PDCD2: variants seen among roughly 807,000 people sequenced by gnomAD.
PDCD2 encodes the protein uS5 assembly chaperone PDCD2.
Under a neutral mutation model 38.1 loss-of-function variants are expected in PDCD2, and 38 were observed. That is an observed-to-expected ratio of 1.00 (90% CI 0.77 to 1.31). The LOEUF is 1.31. Among genes scored for constraint, PDCD2 ranks in the 50% most tolerant of loss-of-function variants. The pLI is 0.00. For synonymous variants in PDCD2, 205 were observed against 168.9 expected, an observed-to-expected ratio of 1.21 and a Z score of -1.66; for missense variants, 473 against 435.7, an observed-to-expected ratio of 1.09 and a Z score of -0.76.
chr6:170,584,402 G>A lies in PDCD2; in HGVS notation c.180C>T (p.Phe60=), dbSNP rs772313263. ...GCAGCGGCGCATACACCTGCAGCAG[G>A]AAGGAGAGCGGGCGGCCGCACAGCT... The part of the protein sequence containing the change: ...ACELCGRPLS[F]LLQVYAPLPG... The change falls in exon 1 of 6, where the codon TTC becomes TTT. Residue 60 remains phenylalanine, a synonymous_variant. Coordinates refer to ENST00000541970, the MANE Select transcript of PDCD2 (RefSeq NM_002598.4). 15 of 1,433,810 alleles carry A rather than the reference G, an allele frequency of 1.0e-5. No individual in the cohort carries two copies. Among genetic ancestry groups the A allele is most frequent in the Non-Finnish European group, 1.4e-5 (15 of 1,098,336 alleles). The allele number at this position is 1,433,810 out of a possible 1,614,324, so 88.8% of individuals were successfully genotyped here. A position where few individuals can be genotyped will look rare whatever the true frequency, so the allele number is the denominator to read the frequency against.
chr6:170,583,916 A>G (rs1583145495), intron 1 of PDCD2, 169 bp from the exon 2 acceptor site: 1 of 631,692 alleles, frequency 1.6e-6, no homozygotes, highest in South Asian at 2.0e-5. Flanking sequence ...CGGTACACGC[A>G]ACTGAGTTGC....
chr6:170,577,330 G>C lies in PDCD2; in HGVS notation c.*229C>G, dbSNP rs147181373. The C allele has an allele frequency of 7.0e-5, 32 of 458,898 alleles. No individual in the cohort carries two copies. Among genetic ancestry groups the C allele is most frequent in the African/African-American group, 5.6e-4 (29 of 51,466 alleles). The allele number at this position is 458,898 out of a possible 1,614,324, so 28.4% of individuals were successfully genotyped here. On this transcript the variant is annotated 3_prime_UTR_variant, in exon 6 of 6. Transcript: ENST00000541970. ...TAATGGTATGTCTGTTGTCAATATA[G>C]GTGTTATAATTAAGACTGTGTAGCC...
chr6:170,582,091 T>G, intron 3 of PDCD2: 1 of 1,525,912 alleles, frequency 6.6e-7, no homozygotes, highest in East Asian at 2.5e-5. Flanking sequence ...CGTATAGGCA[T>G]GAACACACGC....
rs200905773 is a variant in PDCD2 at position 170,584,339 on chromosome 6, G to A, written c.243C>T (p.Leu81=). ...AGCACGGCTGCTCGCGGCAGCAGAA[G>A]AGGAAGATGCAGCGGTGGAAGGCGT... is the stretch of plus-strand genomic sequence containing the variant. ...RPDAFHRCIF[L]FCCREQPCCA... is the part of the protein sequence containing the mutation. Residue 81 remains leucine, a synonymous_variant, in exon 1 of 6, where the codon CTC becomes CTT. Transcript: ENST00000541970. 5.8e-4 allele frequency: 878 copies of A among 1,502,444 alleles called. No individual in the cohort carries two copies. The highest frequency in any genetic ancestry group is 7.3e-4 in the Non-Finnish European group (821 of 1,131,744). 93.1% of individuals were successfully genotyped at this position (1,502,444 alleles called of 1,614,324 possible).
chr6:170,578,709 T>C (rs1779514156), intron 5 of PDCD2, 148 bp downstream of exon 5: 1 of 713,592 alleles, frequency 1.4e-6, no homozygotes, highest in African/African-American at 1.7e-5. Context: ...AGCCCCAAGG[T>C]GAGGCAGGAA....
Position 170,583,562 on chromosome 6 carries a change from T to G in PDCD2, c.469A>C (p.Lys157Gln). The change falls in exon 2 of 6, where the codon AAG becomes CAG. Residue 157 changes from lysine to glutamine, a missense_variant. By Grantham distance (53) the Lys-to-Gln change is moderately conservative. Coordinates refer to ENST00000541970, the MANE Select transcript of PDCD2 (RefSeq NM_002598.4). ...CTCCAGTCTAGGGTCTGATGCTCCT[T>G]GCTGCAGTAATATGCTTTGTGGCAT... is the stretch of plus-strand genomic sequence containing the variant. The part of the protein sequence containing the change: ...SRCHKAYYCS[K>Q]EHQTLDWRLG... 7 of 1,613,874 alleles carry G rather than the reference T, an allele frequency of 4.3e-6. No individual in the cohort carries two copies. The highest frequency in any genetic ancestry group is 5.9e-6 in the Non-Finnish European group (7 of 1,179,790).
In PDCD2 at chr6:170,577,564, G is replaced by A. The variant is rs774065733; in HGVS notation, c.1030C>T (p.Pro344Ser). The change falls in exon 6 of 6, where the codon CCG becomes TCG. Residue 344 changes from proline (P) to serine (S), a missense_variant. Pro to Ser is a moderately conservative substitution (Grantham distance 74). Coordinates refer to ENST00000541970, the MANE Select transcript of PDCD2 (RefSeq NM_002598.4). ...TTCAAGGCTTTAAGATGCCTTTACG[G>A]TGTATCTGTTACATCCTGCTTCCAC... Reference protein sequence around the residue: ...FVWKQDVTDTP With the variant: ...FVWKQDVTDTS 6.2e-6 allele frequency: 10 copies of A among 1,613,324 alleles called. No individual in the cohort carries two copies. Among genetic ancestry groups the A allele is most frequent in the Middle Eastern group, 1.7e-4 (1 of 6,058 alleles).
rs1226185403 is a variant in PDCD2, at chr6:170,580,853, T to C, written c.659-748A>G. 2.0e-5 allele frequency among the ~76,000 whole-genome samples: 3 copies of C among 152,214 alleles called. No homozygotes were observed. The East Asian group carries it at 5.8e-4, about 29-fold the overall frequency. On this transcript the variant is annotated intron_variant, in intron 3 of 5. Coordinates refer to ENST00000541970, the MANE Select transcript of PDCD2 (RefSeq NM_002598.4). ...AATGTACGTTAAAATAGAACTGATATACCTTGGGTCAGAGAAGCTAAAATA... is the reference window on the plus strand; with the variant it reads ...AATGTACGTTAAAATAGAACTGATACACCTTGGGTCAGAGAAGCTAAAATA...
intron 1 of PDCD2, 129 bp from the exon 2 acceptor site, chr6:170,583,876 G>A: frequency 1.3e-6 from 1 of 793,982 alleles, no homozygotes; most frequent in East Asian, 2.7e-5. Context: ...TCAGGAATAA[G>A]CTTTTAAAAT....
rs1175672139 is a variant in PDCD2 at position 170,583,763 on chromosome 6, G to A, written c.284-16C>T. On this transcript the variant is annotated splice_polypyrimidine_tract_variant and intron_variant, in intron 1 of 5. Transcript: ENST00000541970. ...TTCCTAAAAACTAAAAAAGAATACA[G>A]AGAAAAGTTTTATCTTCAAACAAAA... is the stretch of plus-strand genomic sequence containing the variant. 1 of 1,581,820 alleles carries A rather than the reference G, an allele frequency of 6.3e-7. No individual in the cohort carries two copies. The highest frequency in any genetic ancestry group is 1.1e-5 in the South Asian group (1 of 89,102).
chr6:170,582,872 A>G, intron 3 of PDCD2, 185 bp downstream of exon 3: 1 of 1,411,320 alleles, frequency 7.1e-7, no homozygotes, highest in Non-Finnish European at 9.2e-7. Context: ...AGCAGAACAC[A>G]CCTCTTATGT....
In PDCD2 at chr6:170,580,097, G is replaced by A; in HGVS notation, c.667C>T (p.Leu223Phe). 1 of 1,598,636 alleles carries A rather than the reference G, an allele frequency of 6.3e-7. No homozygotes were observed. Among genetic ancestry groups the A allele is most frequent in the East Asian group, 2.2e-5 (1 of 44,774 alleles). Residue 223 changes from leucine to phenylalanine, a missense_variant, in exon 4 of 6, where the codon CTT becomes TTT. By Grantham distance (22) the Leu-to-Phe change is conservative. Coordinates refer to ENST00000541970, the MANE Select transcript of PDCD2 (RefSeq NM_002598.4). ...GCCATGGAATCCAGTTCTTCCTCAA[G>A]TGCTTCACCTGAAAAATCAACGTAA... ...SEIIGSMGEALEEELDSMAKH... is the reference protein window; with the variant it reads ...SEIIGSMGEAFEEELDSMAKH...
rs774982075 is a variant in PDCD2 at position 170,584,382 on chromosome 6, G to C, written c.200C>G (p.Pro67Arg). ...GAAGGCGTCCGGGCGGCCAGGCAGCGGCGCATACACCTGCAGCAGGAAGGA... is the reference window on the plus strand; with the variant it reads ...GAAGGCGTCCGGGCGGCCAGGCAGCCGCGCATACACCTGCAGCAGGAAGGA... ...PLSFLLQVYA[P>R]LPGRPDAFHR... Residue 67 changes from proline to arginine, a missense_variant, in exon 1 of 6, where the codon CCG (proline) becomes CGG (arginine). Physicochemically the swap from Pro to Arg is moderately radical, Grantham distance 103. Transcript: ENST00000541970. The C allele has an allele frequency of 1.3e-6, 2 of 1,484,462 alleles. No individual in the cohort carries two copies. The highest frequency in any genetic ancestry group is 1.8e-6 in the Non-Finnish European group (2 of 1,122,092). The allele number at this position is 1,484,462 out of a possible 1,614,324, so 92.0% of individuals were successfully genotyped here.
chr6:170,582,441 G>A, intron 3 of PDCD2: 1 of 1,433,984 alleles, frequency 7.0e-7, no homozygotes, highest in Non-Finnish European at 9.1e-7. Flanking sequence ...AATATTATGT[G>A]ACCAAAGAAA....
intron 5 of PDCD2, chr6:170,578,386 T>C (rs1779502505): frequency 1.0e-5 from 5 of 498,150 alleles, no homozygotes; most frequent in East Asian, 3.5e-5. Flanking sequence ...TGCTAACAAA[T>C]CCTTTTGGGC....
At position 170,584,329 on chromosome 6, in the gene PDCD2, G is replaced by A; in HGVS notation, c.253C>T (p.Arg85Cys). The A allele has an allele frequency of 2.7e-6, 4 of 1,500,490 alleles. No individual in the cohort carries two copies. Among genetic ancestry groups the A allele is most frequent in the Non-Finnish European group, 2.7e-6 (3 of 1,130,680 alleles). The allele number at this position is 1,500,490 out of a possible 1,614,324, so 92.9% of individuals were successfully genotyped here. ...AGGCCGGCACAGCACGGCTGCTCGC[G>A]GCAGCAGAAGAGGAAGATGCAGCGG... is the stretch of plus-strand genomic sequence containing the variant. Reference protein sequence around the residue: ...FHRCIFLFCCREQPCCAGLRV... With the variant: ...FHRCIFLFCCCEQPCCAGLRV... The change falls in exon 1 of 6, where the codon CGC becomes TGC. Residue 85 changes from arginine (R) to cysteine (C), a missense_variant. Arg to Cys is a radical substitution (Grantham distance 180). Coordinates refer to ENST00000541970, the MANE Select transcript of PDCD2 (RefSeq NM_002598.4).
At chr6:170,583,217 A>G in intron 2 of PDCD2, 29 bp from the exon 3 acceptor site, 1 of 1,444,848 alleles carries the variant, frequency 6.9e-7, no homozygotes, top group Non-Finnish European at 9.6e-7. Flanking sequence ...CACTATTAGT[A>G]ATCATTTAGT....
At position 170,581,375 on chromosome 6, in the gene PDCD2, T is replaced by A. The variant is rs909157061; in HGVS notation, c.659-1270A>T. ...TATAAAGATGATTACTGAGTTTTTT[T>A]AAAGTATCATTTTGAACCCATTAAA... is the stretch of plus-strand genomic sequence containing the variant. On this transcript the variant is annotated intron_variant, in intron 3 of 5. Coordinates refer to ENST00000541970, the MANE Select transcript of PDCD2 (RefSeq NM_002598.4). 3.9e-5 allele frequency: 6 copies of A among 152,330 alleles called. No homozygotes were observed. The East Asian group carries it at 5.8e-4, about 15-fold the overall frequency. The allele number at this position is 152,330 out of a possible 1,614,324, so 9.4% of individuals were successfully genotyped here.
rs1779453481 is a variant in PDCD2 at position 170,576,405 on chromosome 6, G to C, written c.*1154C>G. On this transcript the variant is annotated 3_prime_UTR_variant, in exon 6 of 6. Coordinates refer to ENST00000541970, the MANE Select transcript of PDCD2 (RefSeq NM_002598.4). ...TTTCAGTTAACAGGGATGTGTTAGG[G>C]GACAATGTGAGCCAATGTAGATTAA... 6.6e-6 allele frequency: 1 copy of C among 152,166 alleles called. No homozygotes were observed. The highest frequency in any genetic ancestry group is 6.5e-5 in the Admixed American group (1 of 15,274). The allele number at this position is 152,166 out of a possible 1,614,324, so 9.4% of individuals were successfully genotyped here.
Sources: gnomAD v4.1 joint callset for allele counts (sites outside exome capture counted in the v4.1 genomes callset) on GRCh38, gnomAD v4.1.1 for gene constraint, MANE v1.5 for transcripts, NCBI Gene and HGNC (gene_info 2026-07-23, HGNC 2026-07-21) for gene names.